The following PCDHA2 variants were observed in gnomAD, a reference collection of about 807,000 sequenced individuals.
PCDHA2 encodes the protein protocadherin alpha-2.
In PCDHA2, 58 loss-of-function variants were observed where a neutral mutation model predicts 66.0. That is an observed-to-expected ratio of 0.88 (90% CI 0.71 to 1.09). The LOEUF is 1.09. PCDHA2 is among the 50% of genes least tolerant of loss of function. The probability of loss-of-function intolerance (pLI) is 0.00; values close to 1 mark genes in which losing one functional copy is unlikely to be tolerated. For missense variants in PCDHA2, 1,267 were observed against 1,242.3 expected (o/e 1.02, Z -0.30); for synonymous variants, 634 against 554.0 (o/e 1.14, Z -2.03).
chr5:140,926,651 C>T, intron 1 of PCDHA2: 1 of 496,446 alleles, frequency 2.0e-6, no homozygotes, highest in Non-Finnish European at 3.3e-6. Context: ...CCGGCCGGCT[C>T]CGCTTTCCCA....
At chr5:140,844,958 C>T (rs1211127750) in intron 1 of PCDHA2, among the ~76,000 whole-genome samples, 1 of 149,184 alleles carries the variant, frequency 6.7e-6, no homozygotes, top group Non-Finnish European at 1.5e-5. Context: ...TGAATTCTTA[C>T]AGTTTGTTAT....
intron 1 of PCDHA2, chr5:140,849,113 G>A: frequency 1.4e-6 from 2 of 1,434,592 alleles, no homozygotes; most frequent in Non-Finnish European, 1.9e-6. Context: ...AAGAAACTCC[G>A]GAGCTTCATT....
chr5:140,946,294 A>G (rs529202868), intron 1 of PCDHA2, among the ~76,000 whole-genome samples: 1 of 152,056 alleles, frequency 6.6e-6, no homozygotes, highest in Admixed American at 6.5e-5. Flanking sequence ...ATCACCTCAC[A>G]CCTGGTAGAA....
At chr5:140,828,315 T>G in intron 1 of PCDHA2, 1 of 1,614,172 alleles carries the variant, frequency 6.2e-7, no homozygotes, top group Non-Finnish European at 8.5e-7. Flanking sequence ...GAGGACCTTC[T>G]GGAGGTAAAT....
chr5:140,898,670 C>T (rs574817267), intron 1 of PCDHA2, among the ~76,000 whole-genome samples: 20 of 152,200 alleles, frequency 1.3e-4, no homozygotes, highest in South Asian at 6.2e-4. Context: ...CTTGGTGTTG[C>T]GGGCTGTTTT....
chr5:140,921,471 A>G (rs2080231314), intron 1 of PCDHA2, among the ~76,000 whole-genome samples: 1 of 152,182 alleles, frequency 6.6e-6, no homozygotes, highest in Non-Finnish European at 1.5e-5. Context: ...ACCACTACCA[A>G]ACCACTCTAC....
intron 1 of PCDHA2, chr5:140,801,078 T>G (rs1762636638): frequency 1.4e-6 from 2 of 1,478,150 alleles, no homozygotes; most frequent in Non-Finnish European, 1.8e-6. Context: ...AGATACTGCT[T>G]TGCTTCATCC....
intron 1 of PCDHA2, chr5:140,869,294 T>C: frequency 1.9e-6 from 3 of 1,613,634 alleles, no homozygotes; most frequent in Non-Finnish European, 1.7e-6. Flanking sequence ...CAGCGCCTGT[T>C]CCGGGTGGCG....
At chr5:140,824,259 T>G (rs2150133705) in intron 1 of PCDHA2, 1 of 1,319,986 alleles carries the variant, frequency 7.6e-7, no homozygotes, top group South Asian at 1.3e-5. Flanking sequence ...ATTATTGCAC[T>G]AATTCATGTA....
At chr5:140,866,470 A>T (rs955596608) in intron 1 of PCDHA2, 1 of 152,128 alleles carries the variant, frequency 6.6e-6, no homozygotes, top group Non-Finnish European at 1.5e-5. Flanking sequence ...AGCTCATAAC[A>T]ACTGACAAAT....
Position 140,797,146 on chromosome 5 carries a change from A to C in PCDHA2, c.2182A>C (p.Thr728Pro). ...TGCGCTGCGGTGCTCGGTGCCACCCACCGAGGGTGCGCGCGCGCCAGGAAA... is the reference window on the plus strand; with the variant it reads ...TGCGCTGCGGTGCTCGGTGCCACCCCCCGAGGGTGCGCGCGCGCCAGGAAA... ...YTALRCSVPP[T>P]EGARAPGKPT... Residue 728 changes from threonine (T) to proline (P), a missense_variant, in exon 1 of 4, where the codon ACC becomes CCC. Physicochemically the swap from Thr to Pro is conservative, Grantham distance 38. Coordinates refer to ENST00000526136, the MANE Select transcript of PCDHA2 (RefSeq NM_018905.3). 1 of 1,613,926 alleles carries C rather than the reference A, an allele frequency of 6.2e-7. No individual in the cohort carries two copies. Among genetic ancestry groups the C allele is most frequent in the South Asian group, 1.1e-5 (1 of 91,076 alleles).
chr5:140,847,761 T>G (rs1279113142), intron 1 of PCDHA2: 1 of 149,846 alleles, frequency 6.7e-6, no homozygotes, highest in Non-Finnish European at 1.5e-5. Context: ...CACAAGACCT[T>G]AAAGTCAATT....
In PCDHA2 at chr5:140,856,586, G is replaced by A. The variant is rs1185371115; in HGVS notation, c.2388+59234G>A. 7 of 1,597,236 alleles carry A rather than the reference G, an allele frequency of 4.4e-6. 1 individual carries two copies. The highest frequency in any genetic ancestry group is 6.0e-6 in the Non-Finnish European group (7 of 1,166,914). ...CAGTCCAAATGAGTATTTTGTTCTT[G>A]ATATTATAAACAAAAAAGACAAAGA... On this transcript the variant is annotated intron_variant, in intron 1 of 3. Coordinates refer to ENST00000526136, the MANE Select transcript of PCDHA2 (RefSeq NM_018905.3).
At chr5:140,804,759 T>C (rs1401424367) in intron 1 of PCDHA2, 5 of 234,244 alleles carry the variant, frequency 2.1e-5, no homozygotes, top group African/African-American at 9.0e-5. Flanking sequence ...CCTCTAGCAA[T>C]TAGTTGGACT....
intron 1 of PCDHA2, among the ~76,000 whole-genome samples, chr5:140,931,598 A>G (rs2087630191): frequency 6.6e-6 from 1 of 152,200 alleles, no homozygotes; most frequent in African/African-American, 2.4e-5. Context: ...GTCTTTTTCC[A>G]TCATTGTTGA....
chr5:140,863,377 G>C (rs782482597), intron 1 of PCDHA2: 1 of 1,100,622 alleles, frequency 9.1e-7, no homozygotes, highest in African/African-American at 1.6e-5. Context: ...GCAGCTCACC[G>C]AGAGCTCGTG....
intron 1 of PCDHA2, chr5:140,928,218 A>G: frequency 6.2e-7 from 1 of 1,614,190 alleles, no homozygotes; most frequent in East Asian, 2.2e-5. Flanking sequence ...ATGACAATAC[A>G]CCAAACTTTC....
intron 1 of PCDHA2, chr5:140,811,769 CAT>C (rs1764957001): frequency 6.6e-6 from 1 of 152,180 alleles, no homozygotes; most frequent in South Asian, 2.1e-4. Context: ...GGCATTTTTT[CAT>C]GTGTCTGTTG....
intron 1 of PCDHA2, chr5:140,841,311 G>C: frequency 1.3e-6 from 2 of 1,582,248 alleles, no homozygotes; most frequent in Non-Finnish European, 1.7e-6. Context: ...GATAGGAAAC[G>C]ACTATTTAAC....
Sources: gnomAD v4.1 joint callset for allele counts (sites outside exome capture counted in the v4.1 genomes callset) on GRCh38, gnomAD v4.1.1 for gene constraint, MANE v1.5 for transcripts, NCBI Gene and HGNC (gene_info 2026-07-23, HGNC 2026-07-21) for gene names.